The following SYNJ1 variants were observed in gnomAD, a reference collection of about 807,000 sequenced individuals.
The protein encoded by SYNJ1 is polyphosphatidylinositol phosphatase SYNJ1.
In SYNJ1, 78 loss-of-function variants were observed where a neutral mutation model predicts 168.2. The ratio of observed to expected loss-of-function variants is 0.46; its 90% confidence interval spans 0.39 to 0.56. The LOEUF is 0.56. SYNJ1 is among the 20% of genes least tolerant of loss of function. The probability of loss-of-function intolerance (pLI) is 0.00; values close to 1 mark genes in which losing one functional copy is unlikely to be tolerated. For synonymous variants in SYNJ1, 539 were observed against 548.6 expected (o/e 0.98, Z 0.24); for missense variants, 1,303 against 1,597.6 (o/e 0.82, Z 3.14).
At position 32,650,272 on chromosome 21, in the gene SYNJ1, T is replaced by C; in HGVS notation, c.2949A>G (p.Leu983=). 2 of 1,614,128 alleles carry C rather than the reference T, an allele frequency of 1.2e-6. No homozygotes were observed. Among genetic ancestry groups the C allele is most frequent in the South Asian group, 1.1e-5 (1 of 91,062 alleles). ...WIKNLEEEMS[L]EKISIALPSS... is the part of the protein sequence containing the mutation. ...ATGGCAATGCAATGCTAATTTTCTC[T>C]AAACTCATTTCTTCTTCCAAATTTT... The change falls in exon 23 of 33, where the codon TTA becomes TTG. Residue 983 remains leucine, a synonymous_variant. Coordinates refer to ENST00000674351, the MANE Select transcript of SYNJ1 (RefSeq NM_203446.3).
chr21:32,657,831 C>T lies in SYNJ1; in HGVS notation c.2346G>A (p.Pro782=), dbSNP rs61753644. The T allele has an allele frequency of 1.1e-3, 1,820 of 1,613,830 alleles. No homozygotes were observed. The highest frequency in any genetic ancestry group is 1.4e-3 in the Non-Finnish European group (1,675 of 1,179,902). ...GFLEGKVTFA[P]TYKYDLFSDD... ...CAGAAAACAAGTCATACTTATATGT[C>T]GGAGCAAAGGTTACCTTTCCTTCTA... Residue 782 remains proline, a synonymous_variant, in exon 19 of 33, where the codon CCG becomes CCA. Transcript: ENST00000674351.
intron 14 of SYNJ1, among the ~76,000 whole-genome samples, chr21:32,671,922 G>A (rs2041206554): frequency 6.6e-6 from 1 of 151,682 alleles, no homozygotes; most frequent in Middle Eastern, 3.4e-3. Context: ...AGCCGGGCAC[G>A]GTGGCAGATG....
At position 32,695,334 on chromosome 21, in the gene SYNJ1, T is replaced by C. The variant is rs770907682; in HGVS notation, c.480-52A>G. The C allele has an allele frequency of 2.7e-6, 4 of 1,505,484 alleles. No homozygotes were observed. In the African/African-American group the frequency reaches 5.6e-5, roughly 21 times the overall value. 93.3% of individuals were successfully genotyped at this position (1,505,484 alleles called of 1,614,324 possible). On this transcript the variant is annotated intron_variant, in intron 4 of 32. Transcript: ENST00000674351. Reference sequence around the variant, plus strand: ...GCTTATGGAATACTAAGTAACAAAGTATGACTTTTAAAATAATCTCCTGGA... The same window carrying C: ...GCTTATGGAATACTAAGTAACAAAGCATGACTTTTAAAATAATCTCCTGGA...
intron 2 of SYNJ1, among the ~76,000 whole-genome samples, chr21:32,710,553 C>A (rs1247718730): frequency 6.6e-6 from 1 of 151,528 alleles, no homozygotes; most frequent in Non-Finnish European, 1.5e-5. Context: ...CAAACAGGAT[C>A]TCTCACTCTC....
chr21:32,696,512 A>G (rs558822188), intron 4 of SYNJ1, among the ~76,000 whole-genome samples: 1 of 152,318 alleles, frequency 6.6e-6, no homozygotes, highest in South Asian at 2.1e-4. Flanking sequence ...TAAAGAAGCT[A>G]CTAACAATAT....
chr21:32,714,677 T>C (rs886225085), intron 2 of SYNJ1, among the ~76,000 whole-genome samples: 10 of 152,186 alleles, frequency 6.6e-5, no homozygotes, highest in African/African-American at 1.9e-4. Flanking sequence ...TTTGAGGATA[T>C]GCAGTGGTTG....
Position 32,666,110 on chromosome 21 carries a change from TC to T in SYNJ1, c.1977del (p.Thr660LeufsTer46). 1 of 1,608,814 alleles carries T rather than the reference TC, an allele frequency of 6.2e-7. No homozygotes were observed. Among genetic ancestry groups the T allele is most frequent in the Non-Finnish European group, 8.5e-7 (1 of 1,178,402 alleles). On this transcript the variant is annotated frameshift_variant, in exon 17 of 33. Coordinates refer to ENST00000674351, the MANE Select transcript of SYNJ1 (RefSeq NM_203446.3). LOFTEE classifies it high-confidence loss of function. ...TTTCCAGTTGCACCTCCCATTCCAG[TC>T]TTCACAGTATCAACTGCAACATCCC... The part of the protein sequence containing the change: ...FIRDVAVDTV[K>X]TGMGGATGNK...
intron 5 of SYNJ1, 52 bp from the exon 6 acceptor site, chr21:32,694,363 C>A: frequency 7.2e-7 from 1 of 1,386,560 alleles, no homozygotes; most frequent in Non-Finnish European, 9.7e-7. Context: ...AGTTGTTACA[C>A]TTACATTAGA....
rs1001176616 is a variant in SYNJ1, at chr21:32,695,287, T to C, written c.480-5A>G. The C allele has an allele frequency of 3.1e-6, 5 of 1,612,066 alleles. No individual in the cohort carries two copies. Among genetic ancestry groups the C allele is most frequent in the Admixed American group, 1.7e-5 (1 of 59,862 alleles). On this transcript the variant is annotated splice_region_variant and splice_polypyrimidine_tract_variant and intron_variant, in intron 4 of 32. Coordinates refer to ENST00000674351, the MANE Select transcript of SYNJ1 (RefSeq NM_203446.3). ...TGCAAATGCAAAGACTGATTCCTAA[T>C]AGGAAAAGAAATAAATGATTAGCTT... is the stretch of plus-strand genomic sequence containing the variant.
At chr21:32,646,280 G>T in intron 24 of SYNJ1, 113 bp downstream of exon 24, 1 of 1,057,028 alleles carries the variant, frequency 9.5e-7, no homozygotes, top group Non-Finnish European at 1.4e-6. Flanking sequence ...ATTCTGTACC[G>T]GAGAAAACAG....
chr21:32,653,663 G>A, intron 21 of SYNJ1: 1 of 258,436 alleles, frequency 3.9e-6, no homozygotes, highest in African/African-American at 2.2e-5. Flanking sequence ...CATTGACAAG[G>A]CAAAAAGGGA....
At chr21:32,676,442 A>C in intron 12 of SYNJ1, 87 bp from the exon 13 acceptor site, 1 of 1,295,576 alleles carries the variant, frequency 7.7e-7, no homozygotes, top group Non-Finnish European at 1.1e-6. Context: ...AAACATTTTG[A>C]GAAGACCTCA....
chr21:32,678,200 C>G (rs980853847), intron 12 of SYNJ1, among the ~76,000 whole-genome samples: 2 of 151,984 alleles, frequency 1.3e-5, no homozygotes, highest in Non-Finnish European at 2.9e-5. Context: ...CTTATTCAAA[C>G]AATAGCAATT....
rs1034888424 is a variant in SYNJ1 at position 32,653,554 on chromosome 21, C to T, written c.2796-188G>A. 23 of 536,240 alleles carry T rather than the reference C, an allele frequency of 4.3e-5. No individual in the cohort carries two copies. The East Asian group carries it at 7.0e-4, about 16-fold the overall frequency. The allele number at this position is 536,240 out of a possible 1,614,324, so 33.2% of individuals were successfully genotyped here. The stretch of plus-strand genomic sequence containing the variant: ...TCTTCCCCTAAAAACACTCTAACTC[C>T]AATTTCAAATACTATGTTAATGGAA... On this transcript the variant is annotated intron_variant, in intron 21 of 32. Coordinates refer to ENST00000674351, the MANE Select transcript of SYNJ1 (RefSeq NM_203446.3).
At chr21:32,634,134 C>T (rs2039459935) in intron 32 of SYNJ1, among the ~76,000 whole-genome samples, 1 of 152,140 alleles carries the variant, frequency 6.6e-6, no homozygotes, top group African/African-American at 2.4e-5. Flanking sequence ...CAGAAGTCAC[C>T]TGCTGCATCA....
intron 1 of SYNJ1, among the ~76,000 whole-genome samples, chr21:32,727,661 T>G (rs1415851401): frequency 6.6e-6 from 1 of 151,338 alleles, no homozygotes; most frequent in Non-Finnish European, 1.5e-5. Flanking sequence ...AAACCCTCCA[T>G]TTATGCGCCA....
At chr21:32,683,067 C>T (rs1283959375) in intron 10 of SYNJ1, among the ~76,000 whole-genome samples, 4 of 152,034 alleles carry the variant, frequency 2.6e-5, no homozygotes, top group Non-Finnish European at 5.9e-5. Context: ...AGATAAAGAA[C>T]CTCAGCTGCA....
At chr21:32,681,674 A>G (rs765184887) in intron 10 of SYNJ1, 26 bp from the exon 11 acceptor site, 8 of 1,591,824 alleles carry the variant, frequency 5.0e-6, no homozygotes, top group South Asian at 2.3e-5. Flanking sequence ...AGAAATTTTT[A>G]TAAGTACATT....
chr21:32,657,204 T>TAGGG, intron 19 of SYNJ1, 84 bp from the exon 20 acceptor site: 1 of 893,816 alleles, frequency 1.1e-6, no homozygotes, highest in South Asian at 1.6e-5. Context: ...CTCCTTCCTT[T>TAGGG]CATGAGCTTC....
Sources: gnomAD v4.1 joint callset for allele counts (sites outside exome capture counted in the v4.1 genomes callset) on GRCh38, gnomAD v4.1.1 for gene constraint, MANE v1.5 for transcripts, NCBI Gene and HGNC (gene_info 2026-07-23, HGNC 2026-07-21) for gene names.